The following AFF3 variants were observed in gnomAD, a reference collection of about 807,000 sequenced individuals.
AFF3 encodes the protein ALF transcription elongation factor 3.
In AFF3, 32 loss-of-function variants were observed where a neutral mutation model predicts 129.7. The observed-to-expected ratio is 0.25, with a 90% CI of 0.19 to 0.33. AFF3 has a LOEUF of 0.33. AFF3 is among the 10% of genes least tolerant of loss of function. The probability of loss-of-function intolerance (pLI) is 1.00; values close to 1 mark genes in which losing one functional copy is unlikely to be tolerated. For missense variants in AFF3, 1,373 were observed against 1,592.0 expected (o/e 0.86, Z 2.34); for synonymous variants, 644 against 635.4 (o/e 1.01, Z -0.20).
chr2:100,043,583 A>G (rs1685605862), intron 4 of AFF3, among the ~76,000 whole-genome samples: 1 of 152,020 alleles, frequency 6.6e-6, no homozygotes. Flanking sequence ...AGATGAAGGA[A>G]AAAATAGCTG....
At chr2:99,768,628 C>T (rs1683211425) in intron 8 of AFF3, among the ~76,000 whole-genome samples, 1 of 152,130 alleles carries the variant, frequency 6.6e-6, no homozygotes, top group Admixed American at 6.5e-5. Flanking sequence ...TCATTAATGT[C>T]TTTTTCTTTC....
chr2:99,752,052 C>T (rs562780363), intron 9 of AFF3, among the ~76,000 whole-genome samples, 169 bp downstream of exon 9: 1 of 152,154 alleles, frequency 6.6e-6, no homozygotes, highest in Non-Finnish European at 1.5e-5. Context: ...TTGATTCTCC[C>T]CCTTTCATAA....
chr2:99,850,439 T>TATTTTA (rs1690061186), intron 7 of AFF3, among the ~76,000 whole-genome samples: 1 of 152,178 alleles, frequency 6.6e-6, no homozygotes, highest in East Asian at 1.9e-4. Flanking sequence ...ACATTGTTAT[T>TATTTTA]AATGGGACAG....
chr2:100,018,845 C>T (rs182051241), intron 4 of AFF3, among the ~76,000 whole-genome samples: 59 of 152,102 alleles, frequency 3.9e-4, no homozygotes, highest in African/African-American at 1.0e-3. Flanking sequence ...CAGGTGTCTG[C>T]GATGAGAAGG....
intron 8 of AFF3, among the ~76,000 whole-genome samples, chr2:99,834,037 A>G (rs1688684797): frequency 6.6e-6 from 1 of 152,268 alleles, no homozygotes; most frequent in South Asian, 2.1e-4. Context: ...GAAGTTAAAG[A>G]TGAGGTTGAT....
At chr2:99,629,377 G>A (rs1682914847) in intron 13 of AFF3, among the ~76,000 whole-genome samples, 1 of 152,140 alleles carries the variant, frequency 6.6e-6, no homozygotes, top group Non-Finnish European at 1.5e-5. Context: ...TAGCTGAGCC[G>A]AGAGCCACAT....
chr2:100,047,887 A>C (rs1685965164), intron 4 of AFF3, among the ~76,000 whole-genome samples: 1 of 152,224 alleles, frequency 6.6e-6, no homozygotes, highest in South Asian at 2.1e-4. Flanking sequence ...GGCACTTAGA[A>C]GCACATATGT....
chr2:99,678,186 T>C (rs1054438597), intron 11 of AFF3, among the ~76,000 whole-genome samples: 9 of 152,230 alleles, frequency 5.9e-5, no homozygotes, highest in Admixed American at 2.0e-4. Flanking sequence ...ACTGTGTCAT[T>C]TGAAGGTAAA....
At chr2:99,715,644 T>C (rs1454392847) in intron 11 of AFF3, among the ~76,000 whole-genome samples, 1 of 151,760 alleles carries the variant, frequency 6.6e-6, no homozygotes, top group Admixed American at 6.6e-5. Context: ...ACTCTCTGTT[T>C]ATTTCTGATT....
chr2:99,670,871 A>G (rs1687088364), intron 12 of AFF3, among the ~76,000 whole-genome samples: 1 of 152,228 alleles, frequency 6.6e-6, no homozygotes, highest in Non-Finnish European at 1.5e-5. Flanking sequence ...ATGCAAGAAT[A>G]AAGGATCTGA....
chr2:99,840,419 T>C (rs1308068747), intron 7 of AFF3, among the ~76,000 whole-genome samples: 1 of 152,250 alleles, frequency 6.6e-6, no homozygotes, highest in Non-Finnish European at 1.5e-5. Context: ...ATCTTTTTGC[T>C]TCATTCTAGT....
In AFF3 at chr2:99,587,145, T is replaced by C. The variant is rs767931191; in HGVS notation, c.2591+9A>G. Reference sequence around the variant, plus strand: ...CAGCTCACTTCCACTTTGGAGGGAATGCACGTACCTGTTGATGTTCATGTT... The same window carrying C: ...CAGCTCACTTCCACTTTGGAGGGAACGCACGTACCTGTTGATGTTCATGTT... On this transcript the variant is annotated intron_variant, in intron 16 of 24. Transcript: ENST00000672756. 6.8e-6 allele frequency: 11 copies of C among 1,613,840 alleles called. No individual in the cohort carries two copies. The highest frequency in any genetic ancestry group is 8.5e-7 in the Non-Finnish European group (1 of 1,179,968).
intron 4 of AFF3, among the ~76,000 whole-genome samples, chr2:100,047,383 A>G (rs1236256628): frequency 2.6e-5 from 4 of 152,220 alleles, no homozygotes; most frequent in African/African-American, 9.6e-5. Flanking sequence ...GAATGCAATT[A>G]CTGATTTACT....
chr2:99,920,216 G>A (rs1695760447), intron 7 of AFF3, among the ~76,000 whole-genome samples: 2 of 152,080 alleles, frequency 1.3e-5, no homozygotes, highest in African/African-American at 4.8e-5. Flanking sequence ...ATCCTGTAAA[G>A]TTATTATAAT....
intron 11 of AFF3, among the ~76,000 whole-genome samples, chr2:99,692,336 TGG>T (rs1366489837): frequency 2.6e-5 from 4 of 151,954 alleles, no homozygotes; most frequent in Non-Finnish European, 5.9e-5. Flanking sequence ...GACAGGAGAG[TGG>T]ATTCTGCTCT....
At chr2:99,633,324 T>A (rs922286280) in intron 13 of AFF3, among the ~76,000 whole-genome samples, 1 of 151,926 alleles carries the variant, frequency 6.6e-6, no homozygotes, top group Non-Finnish European at 1.5e-5. Context: ...GTGATGAGGG[T>A]CACCAAAAGG....
At position 99,708,401 on chromosome 2, in the gene AFF3, A is replaced by C. The variant is rs1340524795; in HGVS notation, c.1091+18676T>G. On this transcript the variant is annotated intron_variant, in intron 11 of 24. Transcript: ENST00000672756. ...TACTAAAAGCTCCACAGAGCATGTC[A>C]CATCCTTATATTAAAGAAGTCCATC... 1.3e-5 allele frequency among the ~76,000 whole-genome samples: 2 copies of C among 152,182 alleles called. 1 individual carries two copies. The highest frequency in any genetic ancestry group is 2.9e-5 in the Non-Finnish European group (2 of 68,030).
chr2:100,065,497 A>C (rs147104020), intron 4 of AFF3, among the ~76,000 whole-genome samples: 3 of 152,364 alleles, frequency 2.0e-5, no homozygotes, highest in African/African-American at 7.2e-5. Context: ...AAAGAGATGC[A>C]TAAAATGTAG....
At chr2:99,561,821 A>C (rs767796865) in intron 20 of AFF3, among the ~76,000 whole-genome samples, 1 of 152,110 alleles carries the variant, frequency 6.6e-6, no homozygotes, top group Non-Finnish European at 1.5e-5. Context: ...TTTCTGTTTG[A>C]GAAACTTCTT....
Sources: allele counts gnomAD v4.1 joint callset (sites outside exome capture counted in the v4.1 genomes callset), GRCh38; gene constraint gnomAD v4.1.1; transcripts MANE v1.5; gene names NCBI Gene and HGNC (gene_info 2026-07-23, HGNC 2026-07-21).